NIN: variants seen among roughly 807,000 people sequenced by gnomAD.
NIN encodes the protein ninein.
Under a neutral mutation model 257.6 loss-of-function variants are expected in NIN, and 137 were observed. The ratio of observed to expected loss-of-function variants is 0.53; its 90% CI spans 0.46 to 0.61. The LOEUF (loss-of-function observed/expected upper bound fraction) is 0.61. Ranked by LOEUF, NIN falls within the 20% of genes least tolerant of loss-of-function variation. The pLI is 0.00. For missense variants in NIN, 2,439 were observed against 2,501.2 expected, an observed-to-expected ratio of 0.98 and a Z score of 0.53; for synonymous variants, 918 against 919.8, an observed-to-expected ratio of 1.00 and a Z score of 0.04.
chr14:50,789,390 T>C (rs11157765), intron 5 of NIN, among the ~76,000 whole-genome samples: 119,154 of 152,000 alleles, frequency 0.78, 48,009 homozygotes, highest in East Asian at 1. Context: ...CTGGCCAAGA[T>C]GGTGAAACCC....
chr14:50,799,809 A>C (rs572260539), intron 4 of NIN, among the ~76,000 whole-genome samples: 2 of 152,264 alleles, frequency 1.3e-5, no homozygotes, highest in South Asian at 4.1e-4. Context: ...CCCTGTTTCT[A>C]CTAAAAATAC....
chr14:50,738,096 A>C (rs759017027), intron 27 of NIN, 44 bp downstream of exon 27: 1 of 1,597,334 alleles, frequency 6.3e-7, no homozygotes, highest in Non-Finnish European at 8.6e-7. Flanking sequence ...AGAACGCATT[A>C]TAGTGAGAAC....
At chr14:50,824,908 A>G (rs1464917532) in intron 2 of NIN, among the ~76,000 whole-genome samples, 1 of 152,252 alleles carries the variant, frequency 6.6e-6, no homozygotes, top group African/African-American at 2.4e-5. Flanking sequence ...GCCAATCTGT[A>G]ACATGCAGCG....
intron 3 of NIN, among the ~76,000 whole-genome samples, chr14:50,821,349 C>T (rs1017151497): frequency 1.1e-4 from 16 of 152,242 alleles, no homozygotes; most frequent in Admixed American, 8.5e-4. Flanking sequence ...TGCACACACA[C>T]ATCCCTGCTG....
At chr14:50,782,979 C>A in intron 5 of NIN, among the ~76,000 whole-genome samples, 1 of 152,258 alleles carries the variant, frequency 6.6e-6, no homozygotes. Flanking sequence ...TCGTCAGATA[C>A]GGCACAGCCT....
intron 21 of NIN, among the ~76,000 whole-genome samples, chr14:50,750,556 T>C (rs944947910): frequency 6.1e-5 from 9 of 148,334 alleles, no homozygotes; most frequent in Non-Finnish European, 1.3e-4. Context: ...TAGATTATCA[T>C]AGCATGTAGA....
At position 50,793,571 on chromosome 14, in the gene NIN, G is replaced by A. The variant is rs746387122; in HGVS notation, c.266-690C>T. ...ATTATTTTATCTCTTTGTAAGCATC[G>A]GTGTTGTACAAAATAAAAAGGAATG... On this transcript the variant is annotated intron_variant, in intron 4 of 30. Coordinates refer to ENST00000530997, the MANE Select transcript of NIN (RefSeq NM_020921.4). Among the ~76,000 whole-genome samples the A allele has an allele frequency of 7.6e-4, 116 of 152,094 alleles. 1 individual carries two copies. The highest frequency in any genetic ancestry group is 6.2e-4 in the South Asian group (3 of 4,810).
At chr14:50,753,457 T>A (rs12588703) in intron 20 of NIN, among the ~76,000 whole-genome samples, 44,433 of 152,072 alleles carry the variant, frequency 0.29, 7,040 homozygotes, top group East Asian at 0.52. Context: ...ACATACTACT[T>A]TTTACTGGCT....
intron 6 of NIN, among the ~76,000 whole-genome samples, chr14:50,777,471 T>G (rs1399483625): frequency 1.3e-5 from 2 of 152,242 alleles, no homozygotes; most frequent in South Asian, 4.1e-4. Flanking sequence ...GAAAGAAGGC[T>G]GGTTGAGGGC....
intron 29 of NIN, among the ~76,000 whole-genome samples, chr14:50,729,193 T>A (rs1053680492): frequency 6.6e-6 from 1 of 152,124 alleles, no homozygotes; most frequent in South Asian, 2.1e-4. Context: ...AGCACCGCAG[T>A]TCTATGGATT....
intron 4 of NIN, among the ~76,000 whole-genome samples, chr14:50,800,063 T>G (rs1408544134): frequency 6.7e-6 from 1 of 150,166 alleles, no homozygotes. Flanking sequence ...CCAAGTAAAC[T>G]GTTTCATTAT....
intron 25 of NIN, among the ~76,000 whole-genome samples, chr14:50,740,649 T>C (rs1414774077): frequency 6.6e-6 from 1 of 152,040 alleles, no homozygotes; most frequent in East Asian, 1.9e-4. Context: ...TGCCTGGCCA[T>C]TTTTGTATTT....
chr14:50,749,856 A>AT (rs1055411424), intron 21 of NIN, among the ~76,000 whole-genome samples: 3 of 151,364 alleles, frequency 2.0e-5, no homozygotes, highest in East Asian at 1.9e-4. Flanking sequence ...TGCCCTACTA[A>AT]TTTTTTTTGT....
At chr14:50,793,080 A>G (rs2142031853) in intron 4 of NIN, among the ~76,000 whole-genome samples, 199 bp from the exon 5 acceptor site, 1 of 152,250 alleles carries the variant, frequency 6.6e-6, no homozygotes, top group African/African-American at 2.4e-5. Context: ...GATTTATGGG[A>G]CCGTGAGTAT....
chr14:50,825,578 T>A (rs1462913763), intron 2 of NIN, among the ~76,000 whole-genome samples: 1 of 152,136 alleles, frequency 6.6e-6, no homozygotes, highest in Non-Finnish European at 1.5e-5. Flanking sequence ...CTTGGCAAAA[T>A]TAAGCCACTG....
chr14:50,727,580 T>A, intron 29 of NIN: 1 of 1,370,450 alleles, frequency 7.3e-7, no homozygotes, highest in South Asian at 1.3e-5. Flanking sequence ...AAAAGAGCAC[T>A]TAATTCCAAC....
At chr14:50,741,851 G>A in intron 24 of NIN, 123 bp from the exon 25 acceptor site, 1 of 1,125,252 alleles carries the variant, frequency 8.9e-7, no homozygotes. Context: ...ACTAAATCCA[G>A]CTTTCTTGTC....
intron 14 of NIN, among the ~76,000 whole-genome samples, chr14:50,766,006 C>A (rs145161194): frequency 3.1e-5 from 4 of 127,928 alleles, no homozygotes; most frequent in Non-Finnish European, 4.9e-5. Flanking sequence ...CCCCTCCCCC[C>A]ACCCCACAAC....
In NIN at chr14:50,738,305, A is replaced by G. The variant is rs1192512884; in HGVS notation, c.5629-19T>C. Reference sequence around the variant, plus strand: ...GACGGACCTAACAGGAACAAATGTAAGAGGAAAAAATGCTAATACAATCAC... The same window carrying G: ...GACGGACCTAACAGGAACAAATGTAGGAGGAAAAAATGCTAATACAATCAC... On this transcript the variant is annotated intron_variant, in intron 26 of 30. Coordinates refer to ENST00000530997, the MANE Select transcript of NIN (RefSeq NM_020921.4). 3 of 1,606,476 alleles carry G rather than the reference A, an allele frequency of 1.9e-6. No homozygotes were observed. The highest frequency in any genetic ancestry group is 2.5e-6 in the Non-Finnish European group (3 of 1,177,220).
Sources: gnomAD v4.1 joint callset for allele counts (sites outside exome capture counted in the v4.1 genomes callset) on GRCh38, gnomAD v4.1.1 for gene constraint, MANE v1.5 for transcripts, NCBI Gene and HGNC (gene_info 2026-07-23, HGNC 2026-07-21) for gene names.